The following DDX10 variants were observed in gnomAD, a reference collection of about 807,000 sequenced individuals.
The protein encoded by DDX10 is DEAD-box helicase 10, also known as probable ATP-dependent RNA helicase DDX10.
In DDX10, 74 loss-of-function variants were observed where a neutral mutation model predicts 104.3. That is an observed-to-expected ratio of 0.71 (90% confidence interval 0.59 to 0.86). The LOEUF is 0.86. DDX10 is among the 40% of genes least tolerant of loss of function. The pLI, the probability that DDX10 is intolerant of heterozygous loss-of-function variation, is 0.00. For missense variants in DDX10, 952 were observed against 1,040.0 expected, an observed-to-expected ratio of 0.92 and a Z score of 1.16; for synonymous variants, 351 against 353.4, an observed-to-expected ratio of 0.99 and a Z score of 0.08.
At chr11:108,693,661 C>T in intron 9 of DDX10, 61 bp downstream of exon 9, 1 of 1,299,044 alleles carries the variant, frequency 7.7e-7, no homozygotes, top group Non-Finnish European at 1.1e-6. Context: ...GCATGCTTTT[C>T]CAACTGCAGA....
In DDX10 at chr11:108,806,250, A is replaced by C. The variant is rs549302265; in HGVS notation, c.1966-32196A>C. ...AGTGCTGGGATTATAGGCGTGAGCC[A>C]CCGTGCCTGGCCTAAACTTTTCTAT... On this transcript the variant is annotated intron_variant, in intron 13 of 17. Transcript: ENST00000322536. 7.9e-5 allele frequency among the ~76,000 whole-genome samples: 12 copies of C among 152,340 alleles called. No individual in the cohort carries two copies. In the South Asian group the frequency reaches 1.7e-3, roughly 21 times the overall value.
At chr11:108,705,094 T>C (rs2094273962) in intron 9 of DDX10, among the ~76,000 whole-genome samples, 1 of 152,198 alleles carries the variant, frequency 6.6e-6, no homozygotes, top group African/African-American at 2.4e-5. Flanking sequence ...GCAGAGACAT[T>C]CTGGGGCCTC....
chr11:108,770,828 CT>C (rs2094362223), intron 13 of DDX10, among the ~76,000 whole-genome samples: 2 of 151,704 alleles, frequency 1.3e-5, no homozygotes, highest in Admixed American at 6.6e-5. Flanking sequence ...GTGCAGATGT[CT>C]CTGATATATT....
At chr11:108,937,660 A>G (rs1864053704) in intron 17 of DDX10, among the ~76,000 whole-genome samples, 1 of 152,114 alleles carries the variant, frequency 6.6e-6, no homozygotes, top group African/African-American at 2.4e-5. Flanking sequence ...ATTACATATT[A>G]CTTGATGATT....
intron 13 of DDX10, among the ~76,000 whole-genome samples, chr11:108,801,166 T>G (rs1391826182): frequency 6.6e-6 from 1 of 152,194 alleles, no homozygotes; most frequent in Non-Finnish European, 1.5e-5. Context: ...TATGATTGTT[T>G]CAGTTTTGTC....
At chr11:108,796,890 C>T (rs527622575) in intron 13 of DDX10, among the ~76,000 whole-genome samples, 9 of 152,250 alleles carry the variant, frequency 5.9e-5, no homozygotes, top group South Asian at 2.1e-4. Flanking sequence ...CTCTCTGTTT[C>T]GTATGTGTGA....
intron 13 of DDX10, among the ~76,000 whole-genome samples, chr11:108,757,225 A>C (rs2094345538): frequency 6.6e-6 from 1 of 152,042 alleles, no homozygotes; most frequent in African/African-American, 2.4e-5. Context: ...CTCTGCAAGA[A>C]ATGTTTGTTC....
chr11:108,808,234 T>C (rs1862127096), intron 13 of DDX10, among the ~76,000 whole-genome samples: 1 of 152,130 alleles, frequency 6.6e-6, no homozygotes, highest in African/African-American at 2.4e-5. Flanking sequence ...TTTTTTCCAG[T>C]AACTATTGTT....
rs185653594 is a variant in DDX10 at position 108,851,489 on chromosome 11, G to A, written c.2248-664G>A. 1.2e-4 allele frequency among the ~76,000 whole-genome samples: 18 copies of A among 152,052 alleles called. No homozygotes were observed. The East Asian group carries it at 2.9e-3, about 24-fold the overall frequency. ...GAAGCATTGAGATTATTTTAATTTC[G>A]TGGCAGAACGTCTCTTATAATCTCA... On this transcript the variant is annotated intron_variant, in intron 15 of 17. Coordinates refer to ENST00000322536, the MANE Select transcript of DDX10 (RefSeq NM_004398.4).
intron 13 of DDX10, among the ~76,000 whole-genome samples, chr11:108,826,376 C>T (rs987230199): frequency 6.6e-6 from 1 of 152,096 alleles, no homozygotes; most frequent in African/African-American, 2.4e-5. Context: ...TGGAGCTTGA[C>T]ATTGTTTACT....
At chr11:108,905,845 C>G (rs1863589038) in intron 16 of DDX10, among the ~76,000 whole-genome samples, 1 of 152,114 alleles carries the variant, frequency 6.6e-6, no homozygotes, top group South Asian at 2.1e-4. Flanking sequence ...AAGAAGCTTC[C>G]AGTCATGGCA....
intron 13 of DDX10, among the ~76,000 whole-genome samples, chr11:108,749,896 G>A (rs1016471002): frequency 6.6e-6 from 1 of 151,946 alleles, no homozygotes; most frequent in African/African-American, 2.4e-5. Flanking sequence ...TAATTTTTTG[G>A]CACTTCTAGT....
intron 10 of DDX10, among the ~76,000 whole-genome samples, chr11:108,710,919 A>G (rs1283458377): frequency 6.6e-6 from 1 of 152,162 alleles, no homozygotes; most frequent in African/African-American, 2.4e-5. Flanking sequence ...CTGCGCCACC[A>G]TGCCTGGTTA....
At position 108,935,110 on chromosome 11, in the gene DDX10, C is replaced by T. The variant is rs956270506; in HGVS notation, c.2451-5136C>T. ...CATCTTCAGAAATGAAGACTAGGAG[C>T]CCCAGACCTCAAAAAGCTAACCATT... On this transcript the variant is annotated intron_variant, in intron 17 of 17. Transcript: ENST00000322536. Among the ~76,000 whole-genome samples, 5 of 152,022 alleles carry T rather than the reference C, an allele frequency of 3.3e-5. No homozygotes were observed. The South Asian group carries it at 6.2e-4, about 19-fold the overall frequency.
rs562384706 is a variant in DDX10, at chr11:108,810,106, C to T, written c.1966-28340C>T. Among the ~76,000 whole-genome samples the T allele has an allele frequency of 5.9e-5, 9 of 152,090 alleles. No homozygotes were observed. In the South Asian group the frequency reaches 1.0e-3, roughly 18 times the overall value. ...TCTGGGAGCGTGAGTTAAGTAAGGC[C>T]GAGTTCCATCTGAATAGATGGACAA... is the stretch of plus-strand genomic sequence containing the variant. On this transcript the variant is annotated intron_variant, in intron 13 of 17. Coordinates refer to ENST00000322536, the MANE Select transcript of DDX10 (RefSeq NM_004398.4).
intron 2 of DDX10, among the ~76,000 whole-genome samples, chr11:108,674,511 T>C (rs559261093): frequency 1.3e-5 from 2 of 151,902 alleles, no homozygotes; most frequent in South Asian, 4.2e-4. Context: ...ATATAATAGA[T>C]CTCTCTTTTT....
intron 13 of DDX10, among the ~76,000 whole-genome samples, chr11:108,745,226 C>CT (rs1365962805): frequency 7.1e-6 from 1 of 140,390 alleles, no homozygotes; most frequent in African/African-American, 2.7e-5. Flanking sequence ...CTTTCCTTTC[C>CT]TTCCCTTTCT....
At chr11:108,674,545 C>T (rs1206221007) in intron 2 of DDX10, among the ~76,000 whole-genome samples, 1 of 150,966 alleles carries the variant, frequency 6.6e-6, no homozygotes, top group Non-Finnish European at 1.5e-5. Context: ...GGGTCTTGCT[C>T]CGTCACCCAG....
chr11:108,767,469 A>G (rs1030483250), intron 13 of DDX10: 5 of 152,202 alleles, frequency 3.3e-5, no homozygotes, highest in African/African-American at 1.2e-4. Flanking sequence ...GCCTTCACTG[A>G]GATCTACTGG....
Sources: allele counts gnomAD v4.1 joint callset (sites outside exome capture counted in the v4.1 genomes callset), GRCh38; gene constraint gnomAD v4.1.1; transcripts MANE v1.5; gene names NCBI Gene and HGNC (gene_info 2026-07-23, HGNC 2026-07-21).